RPL22: variants seen among roughly 807,000 people sequenced by gnomAD.
The protein encoded by RPL22 is large ribosomal subunit protein eL22.
Under a neutral mutation model 16.2 loss-of-function variants are expected in RPL22, and 4 were observed. The ratio of observed to expected loss-of-function variants is 0.25; its 90% CI spans 0.12 to 0.57. The LOEUF is 0.57. Among genes scored for constraint, RPL22 ranks in the 20% least tolerant of loss-of-function variants. The probability of loss-of-function intolerance (pLI) is 0.92; values close to 1 mark genes in which losing one functional copy is unlikely to be tolerated. For synonymous variants in RPL22, 43 were observed against 54.8 expected (o/e 0.78, Z 0.95); for missense variants, 83 against 156.1 (o/e 0.53, Z 2.49).
At chr1:6,190,113 T>G (rs1341778797) in intron 3 of RPL22, among the ~76,000 whole-genome samples, 1 of 152,120 alleles carries the variant, frequency 6.6e-6, no homozygotes, top group Non-Finnish European at 1.5e-5. Flanking sequence ...GTGACGCATG[T>G]CAGGAGATAC....
chr1:6,188,532 AT>A (rs903260950), intron 3 of RPL22, among the ~76,000 whole-genome samples: 129 of 142,520 alleles, frequency 9.1e-4, no homozygotes, highest in East Asian at 1.8e-3. Context: ...TCTACACAAC[AT>A]TTTTTTTTTT....
chr1:6,197,844 A>T, intron 1 of RPL22, 88 bp from the exon 2 acceptor site: 1 of 963,062 alleles, frequency 1.0e-6, no homozygotes, highest in African/African-American at 1.6e-5. Flanking sequence ...CATAGGTATA[A>T]AAGTCCATAC....
intron 2 of RPL22, 21 bp downstream of exon 2, chr1:6,197,631 G>A (rs573330202): frequency 3.3e-6 from 5 of 1,508,426 alleles, no homozygotes; most frequent in Non-Finnish European, 4.6e-6. Context: ...CCACCCGAGT[G>A]GCAATAAGGA....
chr1:6,192,289 C>T (rs544181446), intron 3 of RPL22, among the ~76,000 whole-genome samples: 1 of 152,214 alleles, frequency 6.6e-6, no homozygotes, highest in Non-Finnish European at 1.5e-5. Context: ...TCAAGCAATA[C>T]TCCTGTATCA....
rs142313527 is a variant in RPL22, at chr1:6,188,539, T to C, written c.243-1723A>G. Among the ~76,000 whole-genome samples, 769 of 151,428 alleles carry C rather than the reference T, an allele frequency of 5.1e-3. 4 individuals carry two copies. Among genetic ancestry groups the C allele is most frequent in the African/African-American group, 0.017 (696 of 40,890 alleles). On this transcript the variant is annotated intron_variant, in intron 3 of 3. Coordinates refer to ENST00000234875, the MANE Select transcript of RPL22 (RefSeq NM_000983.4). ...ACCCTGTCTCTACACAACATTTTTT[T>C]TTTTAATTAAAAAAAAAAAAGATGA... is the stretch of plus-strand genomic sequence containing the variant.
At chr1:6,194,534 C>T (rs1209441798) in intron 2 of RPL22, among the ~76,000 whole-genome samples, 5 of 152,196 alleles carry the variant, frequency 3.3e-5, no homozygotes, top group Admixed American at 2.6e-4. Flanking sequence ...ATGGCAATGA[C>T]ATGAAGTCCC....
intron 1 of RPL22, 168 bp downstream of exon 1, chr1:6,199,394 A>C: frequency 7.4e-7 from 1 of 1,342,524 alleles, no homozygotes; most frequent in Non-Finnish European, 9.6e-7. Context: ...TCCTCCGCCT[A>C]CAACGTGCTG....
At chr1:6,199,203 T>C in intron 1 of RPL22, 1 of 279,596 alleles carries the variant, frequency 3.6e-6, no homozygotes, top group Non-Finnish European at 6.5e-6. Flanking sequence ...CTCCCCAGGG[T>C]AGCAGGTCCC....
At position 6,185,503 on chromosome 1, in the gene RPL22, G is replaced by T; in HGVS notation, c.*1169C>A. ...ACAGAGCACCAAATGTTTAATGGGAGCCAAGGTAGGACTGAGCATTGAACT... is the reference window on the plus strand; with the variant it reads ...ACAGAGCACCAAATGTTTAATGGGATCCAAGGTAGGACTGAGCATTGAACT... On this transcript the variant is annotated 3_prime_UTR_variant, in exon 4 of 4. Transcript: ENST00000234875. The T allele has an allele frequency of 2.5e-6, 1 of 397,148 alleles. No individual in the cohort carries two copies. The allele number at this position is 397,148 out of a possible 1,614,324, so 24.6% of individuals were successfully genotyped here.
chr1:6,195,574 G>A (rs913412060), intron 2 of RPL22, among the ~76,000 whole-genome samples: 4 of 150,420 alleles, frequency 2.7e-5, no homozygotes, highest in South Asian at 4.2e-4. Flanking sequence ...ACATGGTGAA[G>A]CGCCGTCTCT....
chr1:6,190,237 T>C (rs1667632526), intron 3 of RPL22, among the ~76,000 whole-genome samples: 1 of 152,180 alleles, frequency 6.6e-6, no homozygotes, highest in African/African-American at 2.4e-5. Flanking sequence ...TTCTCACTGC[T>C]TCCCAGGCAG....
chr1:6,188,248 G>T (rs928876840), intron 3 of RPL22, among the ~76,000 whole-genome samples: 2 of 152,208 alleles, frequency 1.3e-5, no homozygotes, highest in African/African-American at 4.8e-5. Context: ...GGCCAGTCTG[G>T]TCTCGAACTC....
Position 6,193,715 on chromosome 1 carries a change from C to T in RPL22, c.118-661G>A, listed in dbSNP as rs185657994. Reference sequence around the variant, plus strand: ...ATCCTCCCACCTCAGCCTCCCAAAGCGTGGGGATTACAGGTGTGAGCCAGC... The same window carrying T: ...ATCCTCCCACCTCAGCCTCCCAAAGTGTGGGGATTACAGGTGTGAGCCAGC... On this transcript the variant is annotated intron_variant, in intron 2 of 3. Coordinates refer to ENST00000234875, the MANE Select transcript of RPL22 (RefSeq NM_000983.4). Among the ~76,000 whole-genome samples the T allele has an allele frequency of 6.0e-3, 907 of 152,126 alleles. 6 individuals are homozygous for T. The highest frequency in any genetic ancestry group is 0.019 in the African/African-American group (788 of 41,500).
chr1:6,189,169 T>C (rs1021727116), intron 3 of RPL22, among the ~76,000 whole-genome samples: 4 of 148,600 alleles, frequency 2.7e-5, no homozygotes, highest in African/African-American at 1.0e-4. Flanking sequence ...GTGACAGTGC[T>C]CCACACCAAC....
chr1:6,197,900 G>A, intron 1 of RPL22, 144 bp from the exon 2 acceptor site: 1 of 673,248 alleles, frequency 1.5e-6, no homozygotes, highest in Non-Finnish European at 2.6e-6. Flanking sequence ...AGAGGGCCAA[G>A]AGGCATCACT....
chr1:6,198,469 C>A (rs1011780660), intron 1 of RPL22: 1 of 152,254 alleles, frequency 6.6e-6, no homozygotes, highest in African/African-American at 2.4e-5. Context: ...TTCACTCTTA[C>A]GAAGAAGCTT....
Position 6,197,744 on chromosome 1 carries a change from C to T in RPL22, c.25G>A (p.Val9Met). 1 of 1,611,840 alleles carries T rather than the reference C, an allele frequency of 6.2e-7. No homozygotes were observed. The highest frequency in any genetic ancestry group is 8.5e-7 in the Non-Finnish European group (1 of 1,178,238). ...TGCTTCTTTTTTTTGCCCCCCTTCA[C>T]CACAAGCTTTTTCTAAGAAAATACA... Reference protein sequence around the residue: MAPVKKLVVKGGKKKKQVL... With the variant: MAPVKKLVMKGGKKKKQVL... Residue 9 changes from valine (V) to methionine (M), a missense_variant, in exon 2 of 4, where the codon GTG (valine) becomes ATG (methionine). By Grantham distance (21) the Val-to-Met change is conservative. Coordinates refer to ENST00000234875, the MANE Select transcript of RPL22 (RefSeq NM_000983.4).
At chr1:6,197,842 TA>T in intron 1 of RPL22, 86 bp from the exon 2 acceptor site, 2 of 957,468 alleles carry the variant, frequency 2.1e-6, no homozygotes. Flanking sequence ...GTCATAGGTA[TA>T]AAAGTCCATA....
At chr1:6,191,926 G>C (rs1667656315) in intron 3 of RPL22, among the ~76,000 whole-genome samples, 1 of 151,058 alleles carries the variant, frequency 6.6e-6, no homozygotes, top group Non-Finnish European at 1.5e-5. Context: ...TTGAACCTGG[G>C]AGGCAGAGGT....
Sources: gnomAD v4.1 joint callset for allele counts (sites outside exome capture counted in the v4.1 genomes callset) on GRCh38, gnomAD v4.1.1 for gene constraint, MANE v1.5 for transcripts, NCBI Gene and HGNC (gene_info 2026-07-23, HGNC 2026-07-21) for gene names.